Variants in DGKH observed in about 807,000 individuals in gnomAD.
DGKH encodes the protein DAG kinase eta.
Under a neutral mutation model 159.3 loss-of-function variants are expected in DGKH, and 90 were observed. The ratio of observed to expected loss-of-function variants is 0.57; its 90% CI spans 0.48 to 0.67. DGKH has a LOEUF of 0.67. Among genes scored for constraint, DGKH ranks in the 30% least tolerant of loss-of-function variants. DGKH has a pLI of 0.00. For missense variants in DGKH, 1,181 were observed against 1,506.1 expected, an observed-to-expected ratio of 0.78 and a Z score of 3.57; for synonymous variants, 536 against 553.8, an observed-to-expected ratio of 0.97 and a Z score of 0.45.
At chr13:42,073,543 G>C (rs1372028418) in intron 1 of DGKH, among the ~76,000 whole-genome samples, 2 of 152,096 alleles carry the variant, frequency 1.3e-5, no homozygotes, top group East Asian at 3.8e-4. Flanking sequence ...TATAAAATAG[G>C]CTTCATGTTA....
intron 21 of DGKH, among the ~76,000 whole-genome samples, 156 bp downstream of exon 21, chr13:42,206,302 A>G (rs2138180972): frequency 6.6e-6 from 1 of 152,246 alleles, no homozygotes; most frequent in East Asian, 1.9e-4. Flanking sequence ...TTAAGATTTT[A>G]TTGTAACAGT....
intron 30 of DGKH, among the ~76,000 whole-genome samples, chr13:42,252,836 C>T (rs1214846666): frequency 6.6e-6 from 1 of 151,876 alleles, no homozygotes; most frequent in Non-Finnish European, 1.5e-5. Flanking sequence ...CAACTTCCAC[C>T]TCCCAGGTTC....
At chr13:42,249,573 C>T (rs775981293) in intron 29 of DGKH, among the ~76,000 whole-genome samples, 4 of 152,146 alleles carry the variant, frequency 2.6e-5, no homozygotes, top group Non-Finnish European at 5.9e-5. Flanking sequence ...TGGTCTCTGT[C>T]AGGACTATTC....
intron 21 of DGKH, among the ~76,000 whole-genome samples, chr13:42,206,745 G>A (rs1957482548): frequency 1.3e-5 from 2 of 152,104 alleles, no homozygotes; most frequent in Non-Finnish European, 2.9e-5. Flanking sequence ...TCTCTCTGAT[G>A]TCTGCTGCTT....
At chr13:42,094,052 A>T (rs1447580978) in intron 1 of DGKH, among the ~76,000 whole-genome samples, 1 of 145,554 alleles carries the variant, frequency 6.9e-6, no homozygotes, top group East Asian at 2.1e-4. Flanking sequence ...TATAACAATG[A>T]TGTCAAATTG....
intron 3 of DGKH, among the ~76,000 whole-genome samples, chr13:42,142,975 AG>A (rs1955608618): frequency 6.6e-6 from 1 of 152,030 alleles, no homozygotes. Context: ...GTCTTGTGCC[AG>A]TTTTCAAAGG....
At chr13:42,063,632 CTT>C (rs1440778244) in intron 1 of DGKH, among the ~76,000 whole-genome samples, 14 of 152,132 alleles carry the variant, frequency 9.2e-5, no homozygotes, top group African/African-American at 3.1e-4. Context: ...AGTGAAATGA[CTT>C]TTTTAGGAGA....
chr13:42,207,715 A>C (rs916723119), intron 21 of DGKH, among the ~76,000 whole-genome samples: 2 of 147,754 alleles, frequency 1.4e-5, no homozygotes, highest in African/African-American at 4.9e-5. Context: ...ATATATATAT[A>C]TCAGTAAAAA....
At chr13:42,101,751 G>T (rs1954655360) in intron 1 of DGKH, among the ~76,000 whole-genome samples, 2 of 150,094 alleles carry the variant, frequency 1.3e-5, no homozygotes, top group African/African-American at 4.9e-5. Flanking sequence ...GTTAAAAGAG[G>T]TATGTGTGTA....
intron 1 of DGKH, among the ~76,000 whole-genome samples, chr13:42,053,242 G>A (rs1881453440): frequency 6.6e-6 from 1 of 151,582 alleles, no homozygotes; most frequent in African/African-American, 2.4e-5. Flanking sequence ...TATTTTTGGT[G>A]CAGCAAACCA....
At chr13:42,209,947 A>G (rs181895174) in intron 23 of DGKH, among the ~76,000 whole-genome samples, 2 of 150,776 alleles carry the variant, frequency 1.3e-5, no homozygotes, top group Admixed American at 6.6e-5. Context: ...CTTATGGTCT[A>G]CCTGTTCATC....
At chr13:42,044,510 C>T (rs971763429), upstream of DGKH, among the ~76,000 whole-genome samples, 1 of 152,074 alleles carries the variant, frequency 6.6e-6, no homozygotes, top group African/African-American at 2.4e-5. Flanking sequence ...AGGATGGTCT[C>T]GATCTCCTGA....
chr13:42,181,664 G>C (rs1428495572), intron 13 of DGKH: 9 of 382,624 alleles, frequency 2.4e-5, no homozygotes, highest in Non-Finnish European at 4.9e-5. Context: ...TACTTCCTCT[G>C]TTTAAGCCAC....
intron 1 of DGKH, among the ~76,000 whole-genome samples, chr13:42,074,393 C>G (rs979563082): frequency 1.3e-5 from 2 of 152,166 alleles, no homozygotes; most frequent in Non-Finnish European, 2.9e-5. Context: ...GTTCAGGTAT[C>G]TCATTCCAAA....
At chr13:42,069,846 A>G in intron 1 of DGKH, 2 of 863,384 alleles carry the variant, frequency 2.3e-6, no homozygotes, top group Non-Finnish European at 3.7e-6. Context: ...AGTAATTGGT[A>G]TGGAAAGCAG....
At chr13:42,042,281 G>T (rs1047727089) in intron 1 of DGKH, among the ~76,000 whole-genome samples, 4 of 152,228 alleles carry the variant, frequency 2.6e-5, no homozygotes, top group Non-Finnish European at 4.4e-5. Context: ...GTAGGAACCT[G>T]CATACTTTAA....
chr13:42,175,353 C>A (rs192182728), intron 12 of DGKH, among the ~76,000 whole-genome samples: 2 of 151,942 alleles, frequency 1.3e-5, no homozygotes, highest in Admixed American at 6.6e-5. Context: ...GTCCTACCAC[C>A]CAGAGATAAT....
At chr13:42,216,697 T>C (rs1425715835) in intron 26 of DGKH, 1 of 152,234 alleles carries the variant, frequency 6.6e-6, no homozygotes, top group African/African-American at 2.4e-5. Context: ...CAAAGGAAAC[T>C]GAAACACAGC....
chr13:42,062,469 G>A (rs2137669970), intron 1 of DGKH, among the ~76,000 whole-genome samples: 1 of 152,256 alleles, frequency 6.6e-6, no homozygotes, highest in South Asian at 2.1e-4. Context: ...TTGATCCCGG[G>A]TAGCCAGAGC....
Sources: allele counts gnomAD v4.1 joint callset (sites outside exome capture counted in the v4.1 genomes callset), GRCh38; gene constraint gnomAD v4.1.1; transcripts MANE v1.5; gene names NCBI Gene and HGNC (gene_info 2026-07-23, HGNC 2026-07-21).